PHACTR1: variants seen among roughly 807,000 people sequenced by gnomAD.
The protein encoded by PHACTR1 is phosphatase and actin regulator 1.
A neutral mutation model predicts 69.2 loss-of-function variants in PHACTR1; 16 were observed. The ratio of observed to expected loss-of-function variants is 0.23; its 90% CI spans 0.16 to 0.35. PHACTR1 has a LOEUF of 0.35. PHACTR1 is among the 10% of genes least tolerant of loss of function. The probability of loss-of-function intolerance (pLI) is 1.00; values close to 1 mark genes in which losing one functional copy is unlikely to be tolerated. For missense variants in PHACTR1, 510 were observed against 734.7 expected, an observed-to-expected ratio of 0.69 and a Z score of 3.54; for synonymous variants, 312 against 284.5, an observed-to-expected ratio of 1.10 and a Z score of -0.97.
chr6:12,751,625 G>A (rs1264500457), intron 4 of PHACTR1, among the ~76,000 whole-genome samples: 2 of 152,190 alleles, frequency 1.3e-5, no homozygotes, highest in Non-Finnish European at 2.9e-5. Flanking sequence ...TAATTACTTT[G>A]TCACCAGATT....
At chr6:12,736,228 T>A (rs1406345165) in intron 3 of PHACTR1, among the ~76,000 whole-genome samples, 1 of 152,226 alleles carries the variant, frequency 6.6e-6, no homozygotes, top group Non-Finnish European at 1.5e-5. Flanking sequence ...GAAAGTTGGG[T>A]TATTATAGTT....
At chr6:13,168,284 GTTAAA>G (rs897266356) in intron 6 of PHACTR1, among the ~76,000 whole-genome samples, 33 of 152,286 alleles carry the variant, frequency 2.2e-4, no homozygotes, top group African/African-American at 7.5e-4. Context: ...ATGTAAAGGT[GTTAAA>G]TTAAGACAGC....
intron 5 of PHACTR1, among the ~76,000 whole-genome samples, chr6:13,072,693 T>C (rs1421866203): frequency 1.3e-5 from 2 of 152,228 alleles, no homozygotes; most frequent in East Asian, 3.8e-4. Context: ...GTTTCTTTTC[T>C]TTATTTTTTC....
intron 10 of PHACTR1, chr6:13,267,866 A>AAAAAAAC (rs1777013791): frequency 1.8e-5 from 2 of 108,732 alleles, no homozygotes; most frequent in African/African-American, 5.9e-5. Context: ...AAAAAAAAAA[A>AAAAAAAC]AAAAAAGCAG....
chr6:13,076,857 A>G (rs1243732493), intron 5 of PHACTR1, among the ~76,000 whole-genome samples: 1 of 148,712 alleles, frequency 6.7e-6, no homozygotes, highest in African/African-American at 2.5e-5. Context: ...AGAGCAGATT[A>G]GTTGGAACGC....
At chr6:13,177,512 A>C (rs1366684734) in intron 6 of PHACTR1, among the ~76,000 whole-genome samples, 4 of 152,118 alleles carry the variant, frequency 2.6e-5, no homozygotes, top group Non-Finnish European at 5.9e-5. Context: ...CTCTTGTTAC[A>C]TAGGTACCCA....
chr6:12,922,013 A>G (rs1383121718), intron 4 of PHACTR1, among the ~76,000 whole-genome samples: 1 of 152,214 alleles, frequency 6.6e-6, no homozygotes, highest in Non-Finnish European at 1.5e-5. Context: ...CCACATCACA[A>G]AGTCACAGTA....
At chr6:13,168,700 G>A (rs1760172696) in intron 6 of PHACTR1, among the ~76,000 whole-genome samples, 1 of 152,152 alleles carries the variant, frequency 6.6e-6, no homozygotes, top group Admixed American at 6.5e-5. Context: ...GAGGAACCCT[G>A]CGGGGTGAGT....
chr6:13,113,647 C>T (rs1355893673), intron 5 of PHACTR1, among the ~76,000 whole-genome samples: 1 of 152,150 alleles, frequency 6.6e-6, no homozygotes, highest in African/African-American at 2.4e-5. Flanking sequence ...AAACCAGATA[C>T]CACACAAAAT....
At chr6:13,030,791 A>T (rs989971009) in intron 4 of PHACTR1, among the ~76,000 whole-genome samples, 10 of 152,268 alleles carry the variant, frequency 6.6e-5, no homozygotes, top group Non-Finnish European at 1.2e-4. Context: ...TCAGTAATGT[A>T]TAGAAGAGGT....
At chr6:13,000,334 G>T (rs1797920310) in intron 4 of PHACTR1, among the ~76,000 whole-genome samples, 1 of 152,138 alleles carries the variant, frequency 6.6e-6, no homozygotes, top group African/African-American at 2.4e-5. Flanking sequence ...GATCCCTTGA[G>T]CCCAGGAGTT....
At chr6:13,172,248 T>C (rs771965898) in intron 6 of PHACTR1, among the ~76,000 whole-genome samples, 1 of 152,212 alleles carries the variant, frequency 6.6e-6, no homozygotes, top group African/African-American at 2.4e-5. Context: ...ATTTTTTATA[T>C]CAAAATGCCC....
At chr6:13,126,549 C>G (rs1362272250) in intron 5 of PHACTR1, among the ~76,000 whole-genome samples, 1 of 152,206 alleles carries the variant, frequency 6.6e-6, no homozygotes, top group African/African-American at 2.4e-5. Context: ...AGGCGGCCCA[C>G]AGTGGTATCC....
At chr6:13,090,613 A>G (rs113308400) in intron 5 of PHACTR1, among the ~76,000 whole-genome samples, 5 of 152,220 alleles carry the variant, frequency 3.3e-5, no homozygotes, top group African/African-American at 1.2e-4. Context: ...GTGAGCCACC[A>G]TGCCCGGCCT....
In PHACTR1 at chr6:12,989,275, C is replaced by T. The variant is rs554381840; in HGVS notation, c.251-64090C>T. ...GATATAATTGCTTTCCACAGAGTCT[C>T]AAAGTCTACAGGGGGAGATAGAGAT... On this transcript the variant is annotated intron_variant, in intron 4 of 14. Transcript: ENST00000332995. Among the ~76,000 whole-genome samples, 9 of 152,304 alleles carry T rather than the reference C, an allele frequency of 5.9e-5. No homozygotes were observed. In the South Asian group the frequency reaches 1.5e-3, roughly 25 times the overall value.
chr6:12,809,654 T>C (rs934094378), intron 4 of PHACTR1, among the ~76,000 whole-genome samples: 22 of 152,322 alleles, frequency 1.4e-4, no homozygotes, highest in African/African-American at 4.8e-4. Context: ...TTCTAGGGAA[T>C]ATTATGCCCA....
At chr6:13,168,935 C>T (rs1015093653) in intron 6 of PHACTR1, among the ~76,000 whole-genome samples, 3 of 152,164 alleles carry the variant, frequency 2.0e-5, no homozygotes, top group Non-Finnish European at 4.4e-5. Flanking sequence ...GGGTTTTCCA[C>T]GTAATCAGAT....
At chr6:13,191,952 A>G (rs1402129065) in intron 7 of PHACTR1, among the ~76,000 whole-genome samples, 1 of 152,238 alleles carries the variant, frequency 6.6e-6, no homozygotes, top group Non-Finnish European at 1.5e-5. Flanking sequence ...TGATTAAAAC[A>G]GTTTTTAAAG....
intron 4 of PHACTR1, among the ~76,000 whole-genome samples, chr6:12,757,967 T>C (rs1767542312): frequency 6.6e-6 from 1 of 151,828 alleles, no homozygotes; most frequent in African/African-American, 2.4e-5. Flanking sequence ...AAAAAATCAG[T>C]CTGACGTGGT....
Sources: allele counts gnomAD v4.1 joint callset (sites outside exome capture counted in the v4.1 genomes callset), GRCh38; gene constraint gnomAD v4.1.1; transcripts MANE v1.5; gene names NCBI Gene and HGNC (gene_info 2026-07-23, HGNC 2026-07-21).